The following ASIC2 variants were observed in gnomAD, a reference collection of about 807,000 sequenced individuals.
The protein encoded by ASIC2 is acid sensing ion channel subunit 2.
Under a neutral mutation model 57.3 loss-of-function variants are expected in ASIC2, and 25 were observed. That is an observed-to-expected ratio of 0.44 (90% confidence interval 0.32 to 0.61). The LOEUF (loss-of-function observed/expected upper bound fraction) is 0.61, where lower values mean the gene tolerates loss of function less well. ASIC2 is among the 20% of genes least tolerant of loss of function. The pLI is 0.06. For synonymous variants in ASIC2, 319 were observed against 307.5 expected (o/e 1.04, Z -0.39); for missense variants, 641 against 738.1 (o/e 0.87, Z 1.52).
At chr17:34,002,343 C>G (rs950471016) in intron 1 of ASIC2, 4 of 152,254 alleles carry the variant, frequency 2.6e-5, no homozygotes, top group Non-Finnish European at 5.9e-5. Context: ...TTAGCAGCAT[C>G]ATGCCAGTCT....
intron 1 of ASIC2, among the ~76,000 whole-genome samples, chr17:33,500,477 T>C (rs1229542831): frequency 6.6e-6 from 1 of 152,182 alleles, no homozygotes; most frequent in Non-Finnish European, 1.5e-5. Context: ...CAAGCTGCCA[T>C]TGGGTCCATT....
At chr17:33,384,046 C>T (rs1269087726) in intron 1 of ASIC2, among the ~76,000 whole-genome samples, 1 of 152,108 alleles carries the variant, frequency 6.6e-6, no homozygotes, top group Non-Finnish European at 1.5e-5. Flanking sequence ...AGATTGTCTC[C>T]CTGGACTTGG....
chr17:33,867,612 A>T (rs1231920639), intron 1 of ASIC2, among the ~76,000 whole-genome samples: 3 of 152,206 alleles, frequency 2.0e-5, no homozygotes, highest in African/African-American at 4.8e-5. Context: ...AGGGGACACA[A>T]GGGAAAGACT....
intron 1 of ASIC2, among the ~76,000 whole-genome samples, chr17:33,319,749 G>T (rs913370546): frequency 1.3e-5 from 2 of 152,180 alleles, no homozygotes; most frequent in African/African-American, 4.8e-5. Flanking sequence ...GCCGTAGCTA[G>T]TCTTGAACTT....
chr17:33,899,613 C>A (rs1467367522), intron 1 of ASIC2, among the ~76,000 whole-genome samples: 1 of 152,144 alleles, frequency 6.6e-6, no homozygotes, highest in East Asian at 1.9e-4. Flanking sequence ...TGTGGACTAC[C>A]TCTGATAAAG....
chr17:33,351,542 A>T (rs1056545586), intron 1 of ASIC2, among the ~76,000 whole-genome samples: 7 of 152,136 alleles, frequency 4.6e-5, no homozygotes, highest in African/African-American at 1.7e-4. Context: ...ACTTTTCTCC[A>T]TGGGATACTC....
rs538852877 is a variant in ASIC2 at position 33,651,318 on chromosome 17, A to G, written c.555+504660T>C. ...GTGATAAGTACGTAGAACTTTTCGT[A>G]TTAATTCTGCAACGTCTTGTGAGTC... is the stretch of plus-strand genomic sequence containing the variant. On this transcript the variant is annotated intron_variant, in intron 1 of 9. Transcript: ENST00000359872. 5.9e-5 allele frequency among the ~76,000 whole-genome samples: 9 copies of G among 152,334 alleles called. No individual in the cohort carries two copies. The East Asian group carries it at 1.5e-3, about 26-fold the overall frequency.
chr17:33,741,972 G>A (rs937782476), intron 1 of ASIC2, among the ~76,000 whole-genome samples: 2 of 152,210 alleles, frequency 1.3e-5, no homozygotes, highest in African/African-American at 4.8e-5. Flanking sequence ...TTCCTACCAT[G>A]AGGAAAGGCC....
At chr17:33,416,671 C>A (rs1161783117) in intron 1 of ASIC2, among the ~76,000 whole-genome samples, 1 of 152,174 alleles carries the variant, frequency 6.6e-6, no homozygotes, top group East Asian at 1.9e-4. Flanking sequence ...CTGGGGGCAC[C>A]CCTCATTCAT....
chr17:34,072,582 A>G (rs1471524702), intron 1 of ASIC2, among the ~76,000 whole-genome samples: 1 of 152,220 alleles, frequency 6.6e-6, no homozygotes, highest in Non-Finnish European at 1.5e-5. Context: ...ACAAAATGAA[A>G]GTCACCCATA....
chr17:33,374,069 C>T (rs752040135), intron 1 of ASIC2, among the ~76,000 whole-genome samples: 7 of 152,120 alleles, frequency 4.6e-5, no homozygotes, highest in Non-Finnish European at 8.8e-5. Flanking sequence ...GATCTTGGCT[C>T]GCTGCAACCA....
intron 1 of ASIC2, among the ~76,000 whole-genome samples, chr17:34,129,712 A>C (rs1241425797): frequency 1.3e-5 from 2 of 152,218 alleles, no homozygotes; most frequent in African/African-American, 2.4e-5. Context: ...GATCTTTCTC[A>C]AGCTTCTTTG....
intron 1 of ASIC2, among the ~76,000 whole-genome samples, chr17:33,550,841 T>C (rs754890240): frequency 4.6e-5 from 7 of 152,104 alleles, no homozygotes; most frequent in Non-Finnish European, 8.8e-5. Context: ...AGTATAAGCA[T>C]AGGGAAAGTG....
At chr17:33,357,304 G>T (rs1009778136) in intron 1 of ASIC2, among the ~76,000 whole-genome samples, 12 of 152,142 alleles carry the variant, frequency 7.9e-5, no homozygotes, top group South Asian at 4.1e-4. Context: ...AAGGACAGGT[G>T]TTATTCCTAT....
chr17:33,514,700 G>C (rs561988923), intron 1 of ASIC2, among the ~76,000 whole-genome samples: 7 of 152,232 alleles, frequency 4.6e-5, no homozygotes, highest in African/African-American at 1.7e-4. Context: ...TTTTATGACC[G>C]TGCTGCTAGG....
intron 1 of ASIC2, among the ~76,000 whole-genome samples, chr17:33,181,772 C>T (rs2142059435): frequency 6.6e-6 from 1 of 152,244 alleles, no homozygotes; most frequent in Non-Finnish European, 1.5e-5. Context: ...CACACAGGTA[C>T]CAGGGGCAAG....
At chr17:33,699,586 A>G (rs1908635142) in intron 1 of ASIC2, among the ~76,000 whole-genome samples, 1 of 152,206 alleles carries the variant, frequency 6.6e-6, no homozygotes, top group African/African-American at 2.4e-5. Flanking sequence ...CTCCTTGTGG[A>G]CAATGGTTAC....
intron 1 of ASIC2, among the ~76,000 whole-genome samples, chr17:33,418,020 ATGTATGTATGTGTGTGTGTGTG>A (rs747223158): frequency 0.29 from 34,548 of 117,532 alleles, 5,007 homozygotes; most frequent in South Asian, 0.39. Flanking sequence ...GGCTCTCAGC[ATGTATGTATGTGTGTGTGTGTG>A]TGTGTGTGTG....
Position 33,028,301 on chromosome 17 carries a change from A to G in ASIC2, c.1079T>C (p.Ile360Thr), listed in dbSNP as rs145022990. 1.9e-6 allele frequency: 3 copies of G among 1,614,034 alleles called. No homozygotes were observed. Among genetic ancestry groups the G allele is most frequent in the Non-Finnish European group, 2.5e-6 (3 of 1,180,050 alleles). The change falls in exon 4 of 10, where the codon ATT becomes ACT. Residue 360 changes from isoleucine (I) to threonine (T), a missense_variant. Around this residue, in one of 3 missense-constraint regions of ASIC2, gnomAD observed 252 missense variants for 319.8 expected, o/e 0.79. Coordinates refer to ENST00000225823, the MANE Select transcript of ASIC2 (RefSeq NM_183377.2). ...FPVYSITACRIDCETRYIVEN... is the reference protein window; with the variant it reads ...FPVYSITACRTDCETRYIVEN... ...CACAATGTAGCGGGTCTCACAGTCA[A>G]TCCTACAGGCGGTGATGCTGTAAAC... is the stretch of plus-strand genomic sequence containing the variant.
Sources: allele counts gnomAD v4.1 joint callset (sites outside exome capture counted in the v4.1 genomes callset), GRCh38; gene constraint gnomAD v4.1.1; regional missense constraint gnomAD v4.1.1; transcripts MANE v1.5; gene names NCBI Gene and HGNC (gene_info 2026-07-23, HGNC 2026-07-21).